Variants in PARPBP observed in about 807,000 individuals in gnomAD.
PARPBP encodes PCNA-interacting partner.
PARPBP carries 52 observed loss-of-function variants against 50.0 expected under a neutral mutation model. The observed-to-expected ratio is 1.04, with a 90% CI of 0.83 to 1.31. PARPBP has a LOEUF of 1.31. Among genes scored for constraint, PARPBP ranks in the 50% most tolerant of loss-of-function variants. The pLI, the probability that PARPBP is intolerant of heterozygous loss-of-function variation, is 0.00. For missense variants in PARPBP, 697 were observed against 672.0 expected, an observed-to-expected ratio of 1.04 and a Z score of -0.41; for synonymous variants, 244 against 232.1, an observed-to-expected ratio of 1.05 and a Z score of -0.47.
At chr12:102,132,207 T>C (rs1447352061) in intron 2 of PARPBP, among the ~76,000 whole-genome samples, 1 of 146,402 alleles carries the variant, frequency 6.8e-6, no homozygotes, top group African/African-American at 2.6e-5. Context: ...CGAGACCCTG[T>C]CTCAAAAAAA....
At chr12:102,150,303 T>A (rs764946261) in intron 3 of PARPBP, 1 of 454,468 alleles carries the variant, frequency 2.2e-6, no homozygotes, top group Admixed American at 2.4e-5. Context: ...CAGGAAAATA[T>A]ATCCCTAGAT....
intron 2 of PARPBP, among the ~76,000 whole-genome samples, chr12:102,130,757 A>G (rs1242710754): frequency 6.6e-6 from 1 of 151,954 alleles, no homozygotes; most frequent in Non-Finnish European, 1.5e-5. Context: ...CGGGAGACTG[A>G]GGCAGGAGAA....
chr12:102,168,299 AT>A (rs1040924902), intron 6 of PARPBP, among the ~76,000 whole-genome samples: 1 of 152,142 alleles, frequency 6.6e-6, no homozygotes, highest in African/African-American at 2.4e-5. Flanking sequence ...GTAGAAGTAC[AT>A]TTGTTTTAGA....
intron 2 of PARPBP, among the ~76,000 whole-genome samples, chr12:102,143,325 A>G (rs984653434): frequency 2.6e-5 from 4 of 152,122 alleles, no homozygotes; most frequent in African/African-American, 9.7e-5. Context: ...GTTTGCTAAG[A>G]CCATTGGAAA....
chr12:102,158,129 A>AG (rs1887160528), intron 4 of PARPBP, among the ~76,000 whole-genome samples: 1 of 150,768 alleles, frequency 6.6e-6, no homozygotes, highest in Non-Finnish European at 1.5e-5. Context: ...TCAAAAAAAA[A>AG]AAAAAAAAAA....
rs533960428 is a variant in PARPBP, at chr12:102,156,209, C to T, written c.495+2233C>T. 4.4e-3 allele frequency among the ~76,000 whole-genome samples: 296 copies of T among 66,580 alleles called. 2 individuals carry two copies. The highest frequency in any genetic ancestry group is 5.8e-3 in the South Asian group (13 of 2,234). The allele number at this position is 66,580 out of a possible 152,430, so 43.7% of individuals were successfully genotyped here. ...TTTTTTTTTTTTTTTTTTTTTGAGA[C>T]GGTGTCTCCTTCTGTCACCCAGACT... On this transcript the variant is annotated intron_variant, in intron 4 of 10. Coordinates refer to ENST00000327680, the MANE Select transcript of PARPBP (RefSeq NM_017915.5).
intron 2 of PARPBP, among the ~76,000 whole-genome samples, chr12:102,146,636 C>A (rs1228085782): frequency 1.3e-5 from 2 of 152,126 alleles, no homozygotes; most frequent in East Asian, 3.8e-4. Context: ...CTAGGCATTA[C>A]CATTCAGGAC....
intron 4 of PARPBP, chr12:102,154,725 G>A (rs572659056): frequency 1.4e-4 from 53 of 389,944 alleles, no homozygotes; most frequent in African/African-American, 9.7e-4. Context: ...CCCAAAATAT[G>A]TTTCTTTGCC....
intron 2 of PARPBP, among the ~76,000 whole-genome samples, chr12:102,141,539 G>C (rs139130913): frequency 6.6e-6 from 1 of 151,964 alleles, no homozygotes; most frequent in Non-Finnish European, 1.5e-5. Context: ...TGATGTTAGC[G>C]GGTTATTTTG....
rs773028144 is a variant in PARPBP, at chr12:102,151,712, G to C, written c.388-2157G>C. The C allele has an allele frequency of 5.2e-6, 8 of 1,535,628 alleles. No individual in the cohort carries two copies. In the Middle Eastern group the frequency reaches 5.0e-4, roughly 96 times the overall value. On this transcript the variant is annotated intron_variant, in intron 3 of 10. Transcript: ENST00000327680. The stretch of plus-strand genomic sequence containing the variant: ...GGAGAGTCCCTCTTAGCATGGAGCT[G>C]GTCCCTAAACTTCAGATTGCCTGGG...
intron 4 of PARPBP, among the ~76,000 whole-genome samples, chr12:102,158,836 A>G (rs1270240327): frequency 6.6e-6 from 1 of 152,180 alleles, no homozygotes; most frequent in Non-Finnish European, 1.5e-5. Flanking sequence ...ATATGTGAAA[A>G]GAATTAAGCT....
intron 8 of PARPBP, among the ~76,000 whole-genome samples, chr12:102,182,189 TG>T (rs1201551470): frequency 6.6e-6 from 1 of 152,192 alleles, no homozygotes; most frequent in Non-Finnish European, 1.5e-5. Flanking sequence ...CTCATGATTC[TG>T]GGAAGCAGCA....
At chr12:102,166,473 G>T (rs530855064) in intron 6 of PARPBP, among the ~76,000 whole-genome samples, 1 of 152,140 alleles carries the variant, frequency 6.6e-6, no homozygotes, top group South Asian at 2.1e-4. Flanking sequence ...TGTCAATTTG[G>T]TATCCTATAA....
At chr12:102,135,744 C>T (rs899423596) in intron 2 of PARPBP, among the ~76,000 whole-genome samples, 5 of 152,060 alleles carry the variant, frequency 3.3e-5, no homozygotes, top group Non-Finnish European at 5.9e-5. Flanking sequence ...TTTGAAGAAA[C>T]GGAAGGAAGT....
rs767664122 is a variant in PARPBP at position 102,148,480 on chromosome 12, C to T, written c.387+17C>T. On this transcript the variant is annotated intron_variant, in intron 3 of 10. Coordinates refer to ENST00000327680, the MANE Select transcript of PARPBP (RefSeq NM_017915.5). ...GTATCTCCTGTAAGTATTTTTTAAA[C>T]AATTCTATTTTAATCAAATTAAAAT... 23 of 986,246 alleles carry T rather than the reference C, an allele frequency of 2.3e-5. No individual in the cohort carries two copies. Among genetic ancestry groups the T allele is most frequent in the Non-Finnish European group, 3.5e-5 (23 of 649,030 alleles). 61.1% of individuals were successfully genotyped at this position (986,246 alleles called of 1,614,324 possible).
intron 2 of PARPBP, among the ~76,000 whole-genome samples, chr12:102,130,526 C>T: frequency 6.6e-6 from 1 of 151,926 alleles, no homozygotes; most frequent in East Asian, 1.9e-4. Flanking sequence ...CTATAAAGAA[C>T]TTAGACAGAT....
chr12:102,175,604 A>G lies in PARPBP; in HGVS notation c.943A>G (p.Asn315Asp). The G allele has an allele frequency of 6.2e-7, 1 of 1,613,630 alleles. No homozygotes were observed. The highest frequency in any genetic ancestry group is 8.5e-7 in the Non-Finnish European group (1 of 1,179,586). Residue 315 changes from asparagine to aspartate, a missense_variant, in exon 7 of 11, where the codon AAT (asparagine) becomes GAT (aspartate). Coordinates refer to ENST00000327680, the MANE Select transcript of PARPBP (RefSeq NM_017915.5). ...VAQDLDLRIK[N>D]IINSQEGVVA... ...TCAGGATTTGGATTTGAGGATTAAAAATATTATCAATTCTCAAGAAGGTGT... is the reference window on the plus strand; with the variant it reads ...TCAGGATTTGGATTTGAGGATTAAAGATATTATCAATTCTCAAGAAGGTGT...
At chr12:102,129,369 A>G (rs1882505627) in intron 2 of PARPBP, among the ~76,000 whole-genome samples, 1 of 151,936 alleles carries the variant, frequency 6.6e-6, no homozygotes, top group Non-Finnish European at 1.5e-5. Context: ...TATCTGATAC[A>G]TGATTTGGAT....
Position 102,164,619 on chromosome 12 carries a change from G to A in PARPBP, c.666+11G>A. 1 of 1,611,768 alleles carries A rather than the reference G, an allele frequency of 6.2e-7. No homozygotes were observed. Among genetic ancestry groups the A allele is most frequent in the Non-Finnish European group, 8.5e-7 (1 of 1,178,226 alleles). The stretch of plus-strand genomic sequence containing the variant: ...ATGTCTATCTTTTTGGTATGGTTGT[G>A]TGACATGTTCAAAATTAAGACTCCT... On this transcript the variant is annotated intron_variant, in intron 5 of 10. Transcript: ENST00000327680.
Sources: gnomAD v4.1 joint callset for allele counts (sites outside exome capture counted in the v4.1 genomes callset) on GRCh38, gnomAD v4.1.1 for gene constraint, MANE v1.5 for transcripts, NCBI Gene and HGNC (gene_info 2026-07-23, HGNC 2026-07-21) for gene names.